MYO1F: variants seen among roughly 807,000 people sequenced by gnomAD.
MYO1F encodes unconventional myosin-If.
Under a neutral mutation model 146.6 loss-of-function variants are expected in MYO1F, and 60 were observed. The ratio of observed to expected loss-of-function variants is 0.41; its 90% confidence interval spans 0.33 to 0.51. The LOEUF (loss-of-function observed/expected upper bound fraction) is 0.51, where lower values mean the gene tolerates loss of function less well. MYO1F is among the 20% of genes least tolerant of loss of function. MYO1F has a pLI of 0.25. For synonymous variants in MYO1F, 602 were observed against 602.1 expected, an observed-to-expected ratio of 1.00 and a Z score of 0.00; for missense variants, 1,274 against 1,534.3, an observed-to-expected ratio of 0.83 and a Z score of 2.83.
Position 8,526,880 on chromosome 19 carries a change from C to T in MYO1F, c.2530G>A (p.Glu844Lys), listed in dbSNP as rs1400492798. The change falls in exon 23 of 28, where the codon GAG becomes AAG. Residue 844 changes from glutamate (E) to lysine (K), a missense_variant. Transcript: ENST00000644032. ...LQEDAADSFL[E>K]SVFKTEFVSL... ...ACAAACTCGGTCTTGAAGACGCTCT[C>T]CAGGAAGCTGTCGGCGGCATCCTCT... is the stretch of plus-strand genomic sequence containing the variant. 1.9e-6 allele frequency: 3 copies of T among 1,614,016 alleles called. No homozygotes were observed. The highest frequency in any genetic ancestry group is 1.7e-5 in the Admixed American group (1 of 59,988).
chr19:8,551,968 C>T, intron 7 of MYO1F, 65 bp downstream of exon 7: 1 of 1,613,898 alleles, frequency 6.2e-7, no homozygotes, highest in South Asian at 1.1e-5. Context: ...AGGTGTTTAC[C>T]TTCCCATTGT....
chr19:8,571,581 AT>A (rs34070649), intron 1 of MYO1F, among the ~76,000 whole-genome samples: 9 of 143,510 alleles, frequency 6.3e-5, no homozygotes, highest in African/African-American at 1.6e-4. Flanking sequence ...CGCCCGGCTA[AT>A]TTTTTTTTTG....
intron 1 of MYO1F, among the ~76,000 whole-genome samples, chr19:8,572,394 A>C (rs1555732176): frequency 6.6e-6 from 1 of 151,934 alleles, no homozygotes; most frequent in African/African-American, 2.4e-5. Flanking sequence ...CAGCCTCCTG[A>C]GTAGCTGGGA....
intron 1 of MYO1F, among the ~76,000 whole-genome samples, chr19:8,560,893 C>T (rs1974067478): frequency 6.6e-6 from 1 of 151,954 alleles, no homozygotes; most frequent in African/African-American, 2.4e-5. Context: ...CGCCCGCCAC[C>T]ACGGCGGCTA....
At chr19:8,535,559 C>A (rs996612289) in intron 19 of MYO1F, among the ~76,000 whole-genome samples, 2 of 152,144 alleles carry the variant, frequency 1.3e-5, no homozygotes, top group African/African-American at 4.8e-5. Flanking sequence ...CATGCGCTAC[C>A]ACACCTGACT....
intron 1 of MYO1F, among the ~76,000 whole-genome samples, chr19:8,570,895 C>A (rs1208521876): frequency 6.6e-6 from 1 of 152,132 alleles, no homozygotes; most frequent in African/African-American, 2.4e-5. Context: ...AACCTCTCTG[C>A]CTCAGTTTCC....
rs113131174 is a variant in MYO1F at position 8,546,959 on chromosome 19, G to A, written c.1269+1077C>T. ...CTCCCAAAGTGCTGGGATTACAGGC[G>A]TGAGCCACTGCACCCAGCCTCTCTC... is the stretch of plus-strand genomic sequence containing the variant. On this transcript the variant is annotated intron_variant, in intron 12 of 27. Coordinates refer to ENST00000644032, the MANE Select transcript of MYO1F (RefSeq NM_012335.4). Among the ~76,000 whole-genome samples the A allele has an allele frequency of 5.9e-3, 894 of 152,118 alleles. 5 individuals carry two copies. The highest frequency in any genetic ancestry group is 0.016 in the African/African-American group (669 of 41,524).
rs767449105 is a variant in MYO1F, at chr19:8,548,042, G to A, written c.1263C>T (p.Ala421=). The stretch of plus-strand genomic sequence containing the variant: ...TGACTGCTTGGCCGCCCACCTGCTC[G>A]GCCTTCAGGGTAAGTTCGATAAAGA... ...QQIFIELTLK[A]EQEEYVQEGI... is the part of the protein sequence containing the mutation. Residue 421 remains alanine, a synonymous_variant, in exon 12 of 28, where the codon GCC becomes GCT. Transcript: ENST00000644032. 26 of 1,570,216 alleles carry A rather than the reference G, an allele frequency of 1.7e-5. No individual in the cohort carries two copies. Among genetic ancestry groups the A allele is most frequent in the African/African-American group, 1.3e-4 (9 of 71,182 alleles).
intron 1 of MYO1F, among the ~76,000 whole-genome samples, chr19:8,565,544 AAAT>A (rs755973380): frequency 2.6e-5 from 4 of 151,692 alleles, no homozygotes; most frequent in African/African-American, 4.8e-5. Context: ...CTCTGTCTCG[AAAT>A]AATAATAATA....
intron 19 of MYO1F, among the ~76,000 whole-genome samples, chr19:8,535,971 G>T (rs1258099185): frequency 6.6e-6 from 1 of 152,016 alleles, no homozygotes; most frequent in African/African-American, 2.4e-5. Context: ...ATGAGCCACC[G>T]CGCCCGGCAG....
intron 19 of MYO1F, among the ~76,000 whole-genome samples, chr19:8,531,064 AC>A (rs1462147850): frequency 2.0e-5 from 3 of 150,610 alleles, no homozygotes; most frequent in African/African-American, 7.3e-5. Context: ...AAAAACAAAA[AC>A]AAAAAAAGCT....
intron 1 of MYO1F, among the ~76,000 whole-genome samples, chr19:8,557,283 C>A (rs1039409238): frequency 2.9e-5 from 4 of 135,614 alleles, no homozygotes; most frequent in Non-Finnish European, 4.4e-5. Context: ...TCAAAAAAAA[C>A]AAACAACCAA....
rs990987066 is a variant in MYO1F, at chr19:8,561,012, T to C, written c.4-5216A>G. 5.3e-5 allele frequency among the ~76,000 whole-genome samples: 8 copies of C among 150,900 alleles called. No homozygotes were observed. In the East Asian group the frequency reaches 7.9e-4, roughly 15 times the overall value. Reference sequence around the variant, plus strand: ...TCGGCCTCCCAAAGTGCTGGGATTATAGGTGTGAGCCACTGCGCCTGGCCA... The same window carrying C: ...TCGGCCTCCCAAAGTGCTGGGATTACAGGTGTGAGCCACTGCGCCTGGCCA... On this transcript the variant is annotated intron_variant, in intron 1 of 27. Transcript: ENST00000644032.
chr19:8,552,748 A>G (rs562980220), intron 6 of MYO1F, among the ~76,000 whole-genome samples: 27 of 152,100 alleles, frequency 1.8e-4, no homozygotes, highest in Admixed American at 1.3e-4. Flanking sequence ...CCCTGAATCC[A>G]TATCTGTTTA....
chr19:8,569,094 CTTG>C, intron 1 of MYO1F, among the ~76,000 whole-genome samples: 1 of 152,208 alleles, frequency 6.6e-6, no homozygotes, highest in Middle Eastern at 3.4e-3. Flanking sequence ...TCAATACATA[CTTG>C]TTGAATGAAT....
rs776863768 is a variant in MYO1F at position 8,530,253 on chromosome 19, G to C, written c.2271C>G (p.Gly757=). Residue 757 remains glycine, a synonymous_variant, in exon 21 of 28, where the codon GGC becomes GGG. Coordinates refer to ENST00000644032, the MANE Select transcript of MYO1F (RefSeq NM_012335.4). This position sits in a 1 kb window ranked among gnomAD's most constrained non-coding sequence, Gnocchi z 5.8. ...CGGCGAAGTCCACCCGCTCCCTCTT[G>C]CCCAGGAACTGACGCAGCTCGGGCC... is the stretch of plus-strand genomic sequence containing the variant. ...EERPELRQFL[G]KRERVDFADS... is the part of the protein sequence containing the mutation. 6.2e-7 allele frequency: 1 copy of C among 1,614,082 alleles called. No individual in the cohort carries two copies. Among genetic ancestry groups the C allele is most frequent in the Non-Finnish European group, 8.5e-7 (1 of 1,180,014 alleles).
intron 1 of MYO1F, among the ~76,000 whole-genome samples, chr19:8,571,954 A>C (rs1233789818): frequency 1.3e-5 from 2 of 152,002 alleles, no homozygotes; most frequent in Non-Finnish European, 2.9e-5. Context: ...CGATCTCCTG[A>C]CTTCGTGATC....
intron 19 of MYO1F, among the ~76,000 whole-genome samples, chr19:8,531,033 A>G (rs1426973169): frequency 6.6e-6 from 1 of 151,666 alleles, no homozygotes; most frequent in Non-Finnish European, 1.5e-5. Flanking sequence ...AACAAGAGTG[A>G]AACTCCATCT....
In MYO1F at chr19:8,527,498, G is replaced by C. The variant is rs1369659800; in HGVS notation, c.2329-15C>G. ...CGCTTGATGGGCTGTGGGGATGCAGGATTAGAGGCTGATGCCTGTAGCCTG... is the reference window on the plus strand; with the variant it reads ...CGCTTGATGGGCTGTGGGGATGCAGCATTAGAGGCTGATGCCTGTAGCCTG... On this transcript the variant is annotated splice_polypyrimidine_tract_variant and intron_variant, in intron 21 of 27. Transcript: ENST00000644032. 1 of 1,613,618 alleles carries C rather than the reference G, an allele frequency of 6.2e-7. No individual in the cohort carries two copies. Among genetic ancestry groups the C allele is most frequent in the South Asian group, 1.1e-5 (1 of 90,936 alleles).
Sources: gnomAD v4.1 joint callset for allele counts (sites outside exome capture counted in the v4.1 genomes callset) on GRCh38, gnomAD v4.1.1 for gene constraint, Gnocchi (gnomAD v3.1) non-coding constraint, MANE v1.5 for transcripts, NCBI Gene and HGNC (gene_info 2026-07-23, HGNC 2026-07-21) for gene names.